LRRC4C: variants seen among roughly 807,000 people sequenced by gnomAD.
The protein encoded by LRRC4C is leucine rich repeat containing 4C, also known as leucine-rich repeat-containing protein 4C.
A neutral mutation model predicts 33.6 loss-of-function variants in LRRC4C; 5 were observed. The ratio of observed to expected loss-of-function variants is 0.15; its 90% CI spans 0.08 to 0.31. LRRC4C has a LOEUF of 0.31. Ranked by LOEUF, LRRC4C falls within the 10% of genes least tolerant of loss-of-function variation. The probability of loss-of-function intolerance (pLI) is 1.00; values close to 1 mark genes in which losing one functional copy is unlikely to be tolerated. For missense variants in LRRC4C, 560 were observed against 796.7 expected (o/e 0.70, Z 3.58); for synonymous variants, 329 against 302.0 (o/e 1.09, Z -0.93).
chr11:40,779,608 C>T (rs181123274), intron 2 of LRRC4C, among the ~76,000 whole-genome samples: 10 of 152,174 alleles, frequency 6.6e-5, no homozygotes, highest in Admixed American at 6.5e-4. Context: ...CTCTTGGTCA[C>T]ATTAAAATAA....
intron 1 of LRRC4C, among the ~76,000 whole-genome samples, chr11:41,075,027 T>TTTTTTTTTTTTTTTTTTTTTTTTTTTA (rs764193977): frequency 9.7e-6 from 1 of 102,976 alleles, no homozygotes; most frequent in African/African-American, 4.4e-5. Context: ...TTTTTTTTTT[T>TTTTTTTTTTTTTTTTTTTTTTTTTTTA]TTTTTTTTTA....
chr11:41,143,693 A>G (rs1454159861), intron 1 of LRRC4C, among the ~76,000 whole-genome samples: 3 of 152,196 alleles, frequency 2.0e-5, no homozygotes, highest in Non-Finnish European at 4.4e-5. Flanking sequence ...AATTCATTTC[A>G]TCCTTAGTCT....
chr11:40,740,566 G>C (rs997879887), intron 2 of LRRC4C, among the ~76,000 whole-genome samples: 2 of 151,734 alleles, frequency 1.3e-5, no homozygotes, highest in African/African-American at 4.8e-5. Context: ...TGTATAGTTT[G>C]CATATATTTT....
chr11:40,544,775 T>A (rs1956852004), intron 3 of LRRC4C, among the ~76,000 whole-genome samples: 1 of 152,128 alleles, frequency 6.6e-6, no homozygotes. Context: ...CATATGTATG[T>A]CTTAAATTTG....
In LRRC4C at chr11:40,703,169, T is replaced by G. The variant is rs184050977; in HGVS notation, c.-406-54891A>C. On this transcript the variant is annotated intron_variant, in intron 2 of 6. Transcript: ENST00000528697. ...AGGGGAAGGCGCTATTAGTACCTAG[T>G]GGGTAAGAGGCCAGGGATGATGCCA... Among the ~76,000 whole-genome samples the G allele has an allele frequency of 5.7e-4, 86 of 152,156 alleles. No individual in the cohort carries two copies. In the Middle Eastern group the frequency reaches 0.01, roughly 18 times the overall value.
intron 5 of LRRC4C, among the ~76,000 whole-genome samples, chr11:40,154,244 G>A (rs1841704): frequency 0.049 from 7,225 of 146,200 alleles, 229 homozygotes; most frequent in Middle Eastern, 0.088. Context: ...GAATGAATTC[G>A]CCATTACCAT....
intron 1 of LRRC4C, among the ~76,000 whole-genome samples, chr11:41,320,528 T>C (rs890127417): frequency 1.3e-5 from 2 of 152,190 alleles, no homozygotes; most frequent in Non-Finnish European, 2.9e-5. Flanking sequence ...AACACACACA[T>C]ACATTTGCCA....
At chr11:40,943,634 T>C (rs550728795) in intron 1 of LRRC4C, among the ~76,000 whole-genome samples, 1 of 152,298 alleles carries the variant, frequency 6.6e-6, no homozygotes, top group African/African-American at 2.4e-5. Flanking sequence ...ACCTGTGTTA[T>C]ACTATTTGAA....
intron 3 of LRRC4C, among the ~76,000 whole-genome samples, chr11:40,415,879 C>A (rs1424267288): frequency 6.6e-6 from 1 of 152,216 alleles, no homozygotes; most frequent in African/African-American, 2.4e-5. Flanking sequence ...TGCAACATTG[C>A]CACTAATCTG....
intron 1 of LRRC4C, among the ~76,000 whole-genome samples, chr11:41,410,030 G>A (rs76642291): frequency 0.025 from 3,852 of 152,200 alleles, 62 homozygotes; most frequent in African/African-American, 0.052. Context: ...TTGCCCAATA[G>A]TGTTTTAAAG....
At chr11:40,399,805 T>C (rs1246813118) in intron 3 of LRRC4C, among the ~76,000 whole-genome samples, 4 of 152,058 alleles carry the variant, frequency 2.6e-5, no homozygotes, top group Admixed American at 6.6e-5. Context: ...AATGAAACCA[T>C]TGCAACCTTC....
intron 1 of LRRC4C, among the ~76,000 whole-genome samples, chr11:41,137,270 C>G (rs1004442304): frequency 6.6e-6 from 1 of 151,834 alleles, no homozygotes; most frequent in Admixed American, 6.6e-5. Flanking sequence ...AAAAAAGTGC[C>G]CTTTAGAGGA....
chr11:40,938,633 A>G (rs940697897), intron 1 of LRRC4C, among the ~76,000 whole-genome samples: 1 of 152,154 alleles, frequency 6.6e-6, no homozygotes, highest in African/African-American at 2.4e-5. Context: ...AATATGACCT[A>G]GGTGATTCAG....
chr11:40,209,164 T>G (rs1863392405), intron 5 of LRRC4C, among the ~76,000 whole-genome samples: 1 of 152,146 alleles, frequency 6.6e-6, no homozygotes, highest in African/African-American at 2.4e-5. Flanking sequence ...GTACATAAAT[T>G]AGTATATTTA....
intron 2 of LRRC4C, among the ~76,000 whole-genome samples, chr11:40,920,163 A>G (rs1418096803): frequency 6.6e-6 from 1 of 152,202 alleles, no homozygotes; most frequent in Non-Finnish European, 1.5e-5. Flanking sequence ...GAACACTTCA[A>G]GTCCCAAAAA....
At chr11:40,641,582 G>T (rs906428349) in intron 3 of LRRC4C, among the ~76,000 whole-genome samples, 1 of 152,180 alleles carries the variant, frequency 6.6e-6, no homozygotes, top group Admixed American at 6.5e-5. Context: ...AAGTTGATGC[G>T]AAGAGTTTAT....
At chr11:40,561,274 A>C (rs1275465456) in intron 3 of LRRC4C, among the ~76,000 whole-genome samples, 1 of 152,038 alleles carries the variant, frequency 6.6e-6, no homozygotes. Context: ...CAAATTACTT[A>C]ATCTCTCTGA....
At chr11:40,788,152 T>G (rs1458486878) in intron 2 of LRRC4C, among the ~76,000 whole-genome samples, 1 of 152,198 alleles carries the variant, frequency 6.6e-6, no homozygotes, top group African/African-American at 2.4e-5. Context: ...GAGTTCTGTC[T>G]TCTTCATGCA....
At chr11:40,952,849 AACACACACAC>A (rs56684958) in intron 1 of LRRC4C, among the ~76,000 whole-genome samples, 2,419 of 112,630 alleles carry the variant, frequency 0.021, 93 homozygotes, top group African/African-American at 0.083. Context: ...TCTATTTCCA[AACACACACAC>A]ACACACACAC....
Sources: allele counts gnomAD v4.1 joint callset (sites outside exome capture counted in the v4.1 genomes callset), GRCh38; gene constraint gnomAD v4.1.1; transcripts MANE v1.5; gene names NCBI Gene and HGNC (gene_info 2026-07-23, HGNC 2026-07-21).